The following KLK6 variants were observed in gnomAD, a reference collection of about 807,000 sequenced individuals.
KLK6 encodes kallikrein-6.
KLK6 carries 16 observed loss-of-function variants against 21.7 expected under a neutral mutation model. The observed-to-expected ratio is 0.74, with a 90% CI of 0.50 to 1.12. The LOEUF (loss-of-function observed/expected upper bound fraction) is 1.12, where lower values mean the gene tolerates loss of function less well. Ranked by LOEUF, KLK6 falls within the 50% of genes most tolerant of loss-of-function variation. KLK6 has a pLI of 0.00. For missense variants in KLK6, 276 were observed against 304.6 expected (o/e 0.91, Z 0.70); for synonymous variants, 116 against 120.1 (o/e 0.97, Z 0.22).
chr19:50,959,386 TG>T, intron 6 of KLK6, 70 bp from the exon 7 acceptor site: 1 of 1,105,376 alleles, frequency 9.0e-7, no homozygotes. Flanking sequence ...TGTGTGTGTG[TG>T]TGTGTGTGTG....
intron 6 of KLK6, 31 bp from the exon 7 acceptor site, chr19:50,959,347 G>T: frequency 6.2e-7 from 1 of 1,601,618 alleles, no homozygotes; most frequent in Non-Finnish European, 8.5e-7. Flanking sequence ...GTCAGATACA[G>T]ATAGAAACCC....
intron 4 of KLK6, among the ~76,000 whole-genome samples, chr19:50,965,680 G>A (rs1205464147): frequency 6.6e-6 from 1 of 152,200 alleles, no homozygotes; most frequent in African/African-American, 2.4e-5. Context: ...ACTCGAATGT[G>A]GCACTTAGCA....
At chr19:50,967,981 C>T in intron 3 of KLK6, 84 bp downstream of exon 3, 1 of 1,076,758 alleles carries the variant, frequency 9.3e-7, no homozygotes. Context: ...CTGTGCATAT[C>T]CCCATCCCCA....
Position 50,959,211 on chromosome 19 carries a change from C to A in KLK6, c.688G>T (p.Val230Phe). ...TGGATCCAGTTCGTGTATCTGCAGA[C>A]GTTGGTGTAGACTCCTGGCTTCTCC... ...SKEKPGVYTNVCRYTNWIQKT... is the reference protein window; with the variant it reads ...SKEKPGVYTNFCRYTNWIQKT... Residue 230 changes from valine (V) to phenylalanine (F), a missense_variant, in exon 7 of 7, where the codon GTC becomes TTC. Coordinates refer to ENST00000310157, the MANE Select transcript of KLK6 (RefSeq NM_002774.4). The A allele has an allele frequency of 6.2e-7, 1 of 1,614,032 alleles. No individual in the cohort carries two copies. The highest frequency in any genetic ancestry group is 8.5e-7 in the Non-Finnish European group (1 of 1,180,012).
At chr19:50,966,308 C>G (rs1002875255) in intron 4 of KLK6, among the ~76,000 whole-genome samples, 1 of 152,220 alleles carries the variant, frequency 6.6e-6, no homozygotes, top group Non-Finnish European at 1.5e-5. Context: ...CCTCCTGTTC[C>G]TCGTTGCCAG....
intron 6 of KLK6, 82 bp downstream of exon 6, chr19:50,961,662 C>G (rs2090842252): frequency 6.5e-7 from 1 of 1,533,222 alleles, no homozygotes; most frequent in Non-Finnish European, 8.8e-7. Flanking sequence ...TGGCCTGTGT[C>G]TCTCTCTTCC....
At chr19:50,964,880 T>C (rs138251059) in intron 4 of KLK6, among the ~76,000 whole-genome samples, 105 of 152,272 alleles carry the variant, frequency 6.9e-4, no homozygotes, top group African/African-American at 2.5e-3. Flanking sequence ...GAACGGGAAA[T>C]TTTATTTTCT....
chr19:50,965,324 G>A (rs1302786424), intron 4 of KLK6, among the ~76,000 whole-genome samples: 1 of 149,428 alleles, frequency 6.7e-6, no homozygotes, highest in Non-Finnish European at 1.5e-5. Flanking sequence ...TCGCTCTGTG[G>A]TTCAGGCTGG....
intron 4 of KLK6, among the ~76,000 whole-genome samples, chr19:50,965,599 T>C (rs746441012): frequency 2.0e-5 from 3 of 152,204 alleles, no homozygotes; most frequent in Non-Finnish European, 4.4e-5. Context: ...TGTCTGCACC[T>C]TTCTGTCCTT....
At chr19:50,962,485 T>G (rs1419911443) in intron 5 of KLK6, 1 of 152,740 alleles carries the variant, frequency 6.5e-6, no homozygotes, top group Non-Finnish European at 1.5e-5. Context: ...TGGCCCTTCC[T>G]CCAATGGTCT....
At chr19:50,960,400 C>A (rs965342789) in intron 6 of KLK6, among the ~76,000 whole-genome samples, 1 of 152,064 alleles carries the variant, frequency 6.6e-6, no homozygotes, top group Non-Finnish European at 1.5e-5. Context: ...GTGCATTAGT[C>A]ATTCTGGCAT....
intron 4 of KLK6, among the ~76,000 whole-genome samples, chr19:50,965,949 T>A (rs1213479150): frequency 6.6e-6 from 1 of 152,168 alleles, no homozygotes. Context: ...CTAGTGAGGA[T>A]CAGCGCCCAG....
Position 50,963,299 on chromosome 19 carries a change from G to T in KLK6, c.445+3C>A, listed in dbSNP as rs2090873676. ...TGCTCCCCACCAGCCTCCCACTACTGACCATCTGCTGTCTTGCCCCAGCCC... is the reference window on the plus strand; with the variant it reads ...TGCTCCCCACCAGCCTCCCACTACTTACCATCTGCTGTCTTGCCCCAGCCC... On this transcript the variant is annotated splice_donor_region_variant and intron_variant, in intron 5 of 6. Transcript: ENST00000310157. The T allele has an allele frequency of 6.2e-7, 1 of 1,611,732 alleles. No individual in the cohort carries two copies. Among genetic ancestry groups the T allele is most frequent in the South Asian group, 1.1e-5 (1 of 90,960 alleles).
At chr19:50,968,929 A>T (rs902656945) in intron 1 of KLK6, 1 of 154,998 alleles carries the variant, frequency 6.5e-6, no homozygotes, top group Non-Finnish European at 1.4e-5. Flanking sequence ...CAGGGAAGGG[A>T]GCACTGGTCC....
intron 2 of KLK6, chr19:50,968,331 G>C (rs1307701793): frequency 5.0e-6 from 3 of 605,150 alleles, no homozygotes; most frequent in Non-Finnish European, 8.9e-6. Flanking sequence ...TCAGAACTAC[G>C]TCCACTGGTC....
In KLK6 at chr19:50,959,229, G is replaced by C. The variant is rs533632430; in HGVS notation, c.670C>G (p.Pro224Ala). The part of the protein sequence containing the change: ...GNIPCGSKEK[P>A]GVYTNVCRYT... ...CTGCAGACGTTGGTGTAGACTCCTGGCTTCTCCTTTGATCCACAGGGGATG... is the reference window on the plus strand; with the variant it reads ...CTGCAGACGTTGGTGTAGACTCCTGCCTTCTCCTTTGATCCACAGGGGATG... Residue 224 changes from proline (P) to alanine (A), a missense_variant, in exon 7 of 7, where the codon CCA becomes GCA. By Grantham distance (27) the Pro-to-Ala change is conservative. Transcript: ENST00000310157. The C allele has an allele frequency of 1.2e-6, 2 of 1,613,822 alleles. No homozygotes were observed. The highest frequency in any genetic ancestry group is 8.5e-7 in the Non-Finnish European group (1 of 1,179,952).
intron 4 of KLK6, 50 bp downstream of exon 4, chr19:50,967,119 C>A: frequency 6.2e-7 from 1 of 1,607,860 alleles, no homozygotes. Context: ...ATCTATAAGA[C>A]ACCCTCAGGG....
intron 2 of KLK6, 35 bp from the exon 3 acceptor site, chr19:50,968,147 G>T (rs745662607): frequency 6.9e-6 from 11 of 1,587,292 alleles, no homozygotes; most frequent in Non-Finnish European, 9.5e-6. Flanking sequence ...ATTAGTCACT[G>T]CCTCGACCCT....
intron 4 of KLK6, among the ~76,000 whole-genome samples, chr19:50,966,297 C>G (rs753473217): frequency 7.2e-5 from 11 of 152,204 alleles, no homozygotes; most frequent in Non-Finnish European, 1.6e-4. Context: ...TTCTTCCTCT[C>G]CCTCCTGTTC....
Sources: gnomAD v4.1 joint callset for allele counts (sites outside exome capture counted in the v4.1 genomes callset) on GRCh38, gnomAD v4.1.1 for gene constraint, MANE v1.5 for transcripts, NCBI Gene and HGNC (gene_info 2026-07-23, HGNC 2026-07-21) for gene names.